Variants in DAB1 observed in about 807,000 individuals in gnomAD.
DAB1 encodes the protein DAB adaptor protein 1.
DAB1 carries 15 observed loss-of-function variants against 64.6 expected under a neutral mutation model. The ratio of observed to expected loss-of-function variants is 0.23; its 90% CI spans 0.16 to 0.36. The LOEUF (loss-of-function observed/expected upper bound fraction) is 0.36. Among genes scored for constraint, DAB1 ranks in the 10% least tolerant of loss-of-function variants. The pLI, the probability that DAB1 is intolerant of heterozygous loss-of-function variation, is 1.00. For missense variants in DAB1, 596 were observed against 706.7 expected, an observed-to-expected ratio of 0.84 and a Z score of 1.78; for synonymous variants, 235 against 251.9, an observed-to-expected ratio of 0.93 and a Z score of 0.64.
chr1:58,413,874 T>C (rs917941605), intron 3 of DAB1, among the ~76,000 whole-genome samples: 2 of 152,162 alleles, frequency 1.3e-5, no homozygotes, highest in African/African-American at 4.8e-5. Context: ...GGATACCTTC[T>C]GAGAACTGCA....
At chr1:57,583,590 T>A (rs1319417686) in intron 7 of DAB1, among the ~76,000 whole-genome samples, 2 of 152,026 alleles carry the variant, frequency 1.3e-5, no homozygotes, top group African/African-American at 2.4e-5. Context: ...CGGCCCAGTT[T>A]CCTCTTACAT....
chr1:57,698,160 C>T (rs1346367139), intron 6 of DAB1, among the ~76,000 whole-genome samples: 1 of 151,764 alleles, frequency 6.6e-6, no homozygotes, highest in African/African-American at 2.4e-5. Context: ...AATCATGGCT[C>T]ACTGTAGCCT....
At chr1:57,732,941 G>A (rs980910536) in intron 6 of DAB1, among the ~76,000 whole-genome samples, 3 of 152,248 alleles carry the variant, frequency 2.0e-5, no homozygotes, top group Admixed American at 6.5e-5. Flanking sequence ...TAAGTTTTAA[G>A]CAAAGGGCCC....
At chr1:57,261,860 C>A (rs552096847) in intron 2 of DAB1, among the ~76,000 whole-genome samples, 1 of 152,082 alleles carries the variant, frequency 6.6e-6, no homozygotes, top group Non-Finnish European at 1.5e-5. Context: ...AGATGAAGTG[C>A]GGTAAAAAAT....
intron 7 of DAB1, among the ~76,000 whole-genome samples, chr1:57,440,697 T>C (rs992432458): frequency 6.6e-6 from 1 of 152,192 alleles, no homozygotes; most frequent in Non-Finnish European, 1.5e-5. Context: ...ATGGTCAGAG[T>C]GCCTGTTAGG....
intron 5 of DAB1, among the ~76,000 whole-genome samples, chr1:57,970,577 C>T (rs1645773966): frequency 6.6e-6 from 1 of 152,166 alleles, no homozygotes; most frequent in Admixed American, 6.6e-5. Context: ...ATAATTTCAG[C>T]TAAAATCAGC....
rs71051230 is a variant in DAB1 at position 57,439,425 on chromosome 1, C to CTTT, written n.626-148262_626-148260dup. 1.6e-3 allele frequency among the ~76,000 whole-genome samples: 154 copies of CTTT among 97,992 alleles called. 1 individual carries two copies. Among genetic ancestry groups the CTTT allele is most frequent in the Middle Eastern group, 6.8e-3 (1 of 148 alleles). 64.3% of individuals were successfully genotyped at this position (97,992 alleles called of 152,430 possible). A position where few individuals can be genotyped will look rare whatever the true frequency, so the allele number is the denominator to read the frequency against. On this transcript the variant is annotated intron_variant and non_coding_transcript_variant, in intron 7 of 20. Transcript: ENST00000485760. Reference sequence around the variant, plus strand: ...CATCAACTTGGTGATGAGGTTTTTTCTTTTTTTTTTTTTTTTTTTTTTGAG... The same window carrying CTTT: ...CATCAACTTGGTGATGAGGTTTTTTCTTTTTTTTTTTTTTTTTTTTTTTTTGAG...
intron 6 of DAB1, among the ~76,000 whole-genome samples, chr1:57,808,124 G>A (rs947634321): frequency 1.7e-4 from 26 of 151,630 alleles, no homozygotes; most frequent in African/African-American, 6.3e-4. Flanking sequence ...AGGGTCAACT[G>A]TATTATATTC....
intron 1 of DAB1, among the ~76,000 whole-genome samples, chr1:57,419,711 G>A (rs1684756461): frequency 6.6e-6 from 1 of 152,178 alleles, no homozygotes; most frequent in African/African-American, 2.4e-5. Flanking sequence ...GTTAGTTCCT[G>A]TAATCTTCAT....
chr1:57,942,717 G>A (rs1225191161), intron 5 of DAB1, among the ~76,000 whole-genome samples: 2 of 152,166 alleles, frequency 1.3e-5, no homozygotes, highest in African/African-American at 2.4e-5. Context: ...CTAGGGAATA[G>A]CTGAGCAACG....
At chr1:57,327,455 C>G (rs1000012083) in intron 1 of DAB1, among the ~76,000 whole-genome samples, 3 of 152,094 alleles carry the variant, frequency 2.0e-5, no homozygotes, top group Non-Finnish European at 4.4e-5. Context: ...TGTGTGAATT[C>G]CTCTCTATGT....
At chr1:57,908,331 A>G (rs1269047949) in intron 5 of DAB1, among the ~76,000 whole-genome samples, 1 of 152,046 alleles carries the variant, frequency 6.6e-6, no homozygotes, top group African/African-American at 2.4e-5. Context: ...AGCTAAACCC[A>G]TTAACCTGAC....
intron 7 of DAB1, among the ~76,000 whole-genome samples, chr1:57,494,180 C>A (rs1644201387): frequency 6.6e-6 from 1 of 151,972 alleles, no homozygotes; most frequent in African/African-American, 2.4e-5. Flanking sequence ...GGAAAGGAGA[C>A]TAGAGACTTA....
chr1:57,677,728 A>G (rs1646584569), intron 6 of DAB1, among the ~76,000 whole-genome samples: 1 of 152,218 alleles, frequency 6.6e-6, no homozygotes, highest in Admixed American at 6.5e-5. Flanking sequence ...AGGCATGGGG[A>G]AATCCTTTGG....
At chr1:58,065,970 T>G (rs752633684) in intron 5 of DAB1, among the ~76,000 whole-genome samples, 1 of 152,202 alleles carries the variant, frequency 6.6e-6, no homozygotes, top group Non-Finnish European at 1.5e-5. Flanking sequence ...GGTTAGCAAG[T>G]GCAAGCTGTC....
At position 57,475,785 on chromosome 1, in the gene DAB1, G is replaced by C. The variant is rs1643928280; in HGVS notation, n.625+173807C>G. Among the ~76,000 whole-genome samples, 4 of 152,218 alleles carry C rather than the reference G, an allele frequency of 2.6e-5. No individual in the cohort carries two copies. The South Asian group carries it at 8.3e-4, about 32-fold the overall frequency. ...TGTGTATTCACTGGCCTCCATTATA[G>C]ACTGTGAGCTCCTTGAGTGGGGGAA... On this transcript the variant is annotated intron_variant and non_coding_transcript_variant, in intron 7 of 20. Coordinates refer to the DAB1 transcript ENST00000485760.
chr1:58,489,235 C>T (rs963661560), intron 3 of DAB1, among the ~76,000 whole-genome samples: 1 of 152,194 alleles, frequency 6.6e-6, no homozygotes, highest in African/African-American at 2.4e-5. Context: ...AATTGGGTCA[C>T]TCCCACCCTA....
chr1:58,313,752 G>C (rs566520485), intron 4 of DAB1, among the ~76,000 whole-genome samples: 11 of 151,978 alleles, frequency 7.2e-5, no homozygotes, highest in Non-Finnish European at 1.0e-4. Flanking sequence ...GTGTGTGCCA[G>C]TGGGATTGGT....
chr1:58,292,230 C>T (rs1186062520), intron 4 of DAB1, among the ~76,000 whole-genome samples: 1 of 152,164 alleles, frequency 6.6e-6, no homozygotes, highest in Non-Finnish European at 1.5e-5. Flanking sequence ...TGGGATTTCT[C>T]AGCTTCCGTA....
Sources: gnomAD v4.1 joint callset for allele counts (sites outside exome capture counted in the v4.1 genomes callset) on GRCh38, gnomAD v4.1.1 for gene constraint, MANE v1.5 for transcripts, NCBI Gene and HGNC (gene_info 2026-07-23, HGNC 2026-07-21) for gene names.